The following STRBP variants were observed in gnomAD, a reference collection of about 807,000 sequenced individuals.
STRBP encodes spermatid perinuclear RNA-binding protein.
In STRBP, 13 loss-of-function variants were observed where a neutral mutation model predicts 80.1. That is an observed-to-expected ratio of 0.16 (90% CI 0.11 to 0.26). The LOEUF (loss-of-function observed/expected upper bound fraction) is 0.26, where lower values mean the gene tolerates loss of function less well. STRBP is among the 10% of genes least tolerant of loss of function. The pLI, the probability that STRBP is intolerant of heterozygous loss-of-function variation, is 1.00. For synonymous variants in STRBP, 284 were observed against 291.2 expected (o/e 0.98, Z 0.25); for missense variants, 485 against 815.2 (o/e 0.59, Z 4.93).
At chr9:123,137,053 G>A (rs188265871) in intron 14 of STRBP, among the ~76,000 whole-genome samples, 10 of 152,280 alleles carry the variant, frequency 6.6e-5, no homozygotes, top group African/African-American at 2.4e-4. Flanking sequence ...AATAAAGGCA[G>A]TCACTCTCTG....
chr9:123,227,875 TA>T (rs2132571371), intron 2 of STRBP, among the ~76,000 whole-genome samples: 1 of 152,248 alleles, frequency 6.6e-6, no homozygotes, highest in Non-Finnish European at 1.5e-5. Context: ...GACATATTTC[TA>T]AAGGATTATT....
chr9:123,153,445 C>A (rs1034327296), intron 11 of STRBP, among the ~76,000 whole-genome samples: 1 of 152,160 alleles, frequency 6.6e-6, no homozygotes, highest in South Asian at 2.1e-4. Flanking sequence ...CCCACCTCAG[C>A]CTCCCAAAGT....
At chr9:123,229,281 T>C (rs1017684216) in intron 2 of STRBP, among the ~76,000 whole-genome samples, 11 of 152,180 alleles carry the variant, frequency 7.2e-5, no homozygotes, top group Non-Finnish European at 1.5e-5. Context: ...CACGACTCTG[T>C]AAATATACTA....
At position 123,249,755 on chromosome 9, in the gene STRBP, G is replaced by C. The variant is rs535009905; in HGVS notation, c.-301-12789C>G. ...TTTTTCTAACTTTGCAGTTCTGCAA[G>C]TGTGGTTTAGGAACCCCTGGAGGTC... On this transcript the variant is annotated intron_variant, in intron 1 of 18. Transcript: ENST00000348403. Among the ~76,000 whole-genome samples, 10 of 152,332 alleles carry C rather than the reference G, an allele frequency of 6.6e-5. No homozygotes were observed. In the South Asian group the frequency reaches 1.9e-3, roughly 28 times the overall value.
chr9:123,257,056 C>T (rs2041048397), intron 1 of STRBP, among the ~76,000 whole-genome samples: 2 of 152,110 alleles, frequency 1.3e-5, no homozygotes, highest in African/African-American at 2.4e-5. Context: ...GGCTTTCAAA[C>T]AGAGTAAGGC....
At chr9:123,248,259 G>A (rs541236985) in intron 1 of STRBP, among the ~76,000 whole-genome samples, 241 of 127,798 alleles carry the variant, frequency 1.9e-3, no homozygotes, top group South Asian at 4.4e-3. Context: ...CACCCCTATC[G>A]TGTTTTTTTT....
chr9:123,163,785 A>G (rs2037628671), intron 6 of STRBP, among the ~76,000 whole-genome samples: 1 of 152,142 alleles, frequency 6.6e-6, no homozygotes, highest in Non-Finnish European at 1.5e-5. Context: ...TGCTGGGAAA[A>G]CACTGCTACC....
Position 123,170,008 on chromosome 9 carries a change from T to C in STRBP, c.429A>G (p.Val143=), listed in dbSNP as rs2037940548. Residue 143 remains valine, a synonymous_variant, in exon 6 of 19, where the codon GTA becomes GTG. Coordinates refer to ENST00000348403, the MANE Select transcript of STRBP (RefSeq NM_018387.5). ...TEEKYQVEQC[V]NEASIIIRNT... Reference sequence around the variant, plus strand: ...TCCGAATTATAATAGATGCCTCATTTACACATTGTTCCACTTGATATTTCT... The same window carrying C: ...TCCGAATTATAATAGATGCCTCATTCACACATTGTTCCACTTGATATTTCT... The C allele has an allele frequency of 1.2e-6, 2 of 1,609,654 alleles. No individual in the cohort carries two copies. The highest frequency in any genetic ancestry group is 1.7e-6 in the Non-Finnish European group (2 of 1,178,628).
intron 3 of STRBP, chr9:123,180,967 CTTGTTT>C: frequency 2.0e-6 from 2 of 981,276 alleles, no homozygotes; most frequent in Non-Finnish European, 2.4e-6. Flanking sequence ...CTCTTTTGTT[CTTGTTT>C]ATCTATGTTT....
intron 2 of STRBP, among the ~76,000 whole-genome samples, chr9:123,209,494 AAT>A (rs1412691208): frequency 2.6e-5 from 4 of 152,226 alleles, no homozygotes; most frequent in Non-Finnish European, 4.4e-5. Context: ...AGTACTACAC[AAT>A]ATGTTATTTT....
At chr9:123,234,200 CAAAAA>C (rs59309974) in intron 2 of STRBP, among the ~76,000 whole-genome samples, 4 of 72,266 alleles carry the variant, frequency 5.5e-5, no homozygotes, top group Admixed American at 2.3e-4. Context: ...GACGCCGTGT[CAAAAA>C]AAAAAAAAAA....
rs1329988136 is a variant in STRBP, at chr9:123,136,333, T to C, written c.1632+48A>G. 1.2e-6 allele frequency: 2 copies of C among 1,609,210 alleles called. No homozygotes were observed. The highest frequency in any genetic ancestry group is 2.2e-5 in the South Asian group (2 of 90,386). On this transcript the variant is annotated intron_variant, in intron 15 of 18. Transcript: ENST00000348403. This position sits in a 1 kb window ranked among gnomAD's most constrained non-coding sequence, Gnocchi z 4.2. The stretch of plus-strand genomic sequence containing the variant: ...ACTTTACATTAAGTTCAGGATATCC[T>C]ATGTCTTTGAGAAGAAAGATAAGGC...
intron 2 of STRBP, among the ~76,000 whole-genome samples, chr9:123,231,479 T>C (rs2132580153): frequency 6.6e-6 from 1 of 152,324 alleles, no homozygotes; most frequent in Middle Eastern, 3.4e-3. Flanking sequence ...ACCCTCATAG[T>C]TATCAGCCAA....
intron 1 of STRBP, among the ~76,000 whole-genome samples, chr9:123,240,620 G>A (rs758581602): frequency 2.0e-5 from 3 of 152,036 alleles, no homozygotes; most frequent in Admixed American, 6.6e-5. Flanking sequence ...AACTTTAGTC[G>A]CAAACATACA....
intron 2 of STRBP, among the ~76,000 whole-genome samples, chr9:123,225,770 C>T (rs2040216438): frequency 6.6e-6 from 1 of 152,188 alleles, no homozygotes; most frequent in Admixed American, 6.5e-5. Flanking sequence ...ATTCTGTGAG[C>T]CACCTAACAC....
intron 5 of STRBP, among the ~76,000 whole-genome samples, chr9:123,172,228 G>A (rs554594585): frequency 6.6e-6 from 1 of 152,264 alleles, no homozygotes; most frequent in Non-Finnish European, 1.5e-5. Flanking sequence ...TGAGGTGGGT[G>A]AAAAAGCCAC....
intron 2 of STRBP, among the ~76,000 whole-genome samples, chr9:123,214,837 TG>T (rs2039839707): frequency 6.6e-6 from 1 of 152,338 alleles, no homozygotes; most frequent in Middle Eastern, 3.4e-3. Context: ...TATATGTGTG[TG>T]GGTGTATATA....
intron 2 of STRBP, chr9:123,212,806 T>C (rs1244792683): frequency 1.3e-5 from 2 of 152,156 alleles, no homozygotes; most frequent in Non-Finnish European, 2.9e-5. Context: ...TTATTAAAAA[T>C]TAAGCAAAGT....
chr9:123,232,307 T>C (rs2040421135), intron 2 of STRBP, among the ~76,000 whole-genome samples: 1 of 152,118 alleles, frequency 6.6e-6, no homozygotes, highest in Non-Finnish European at 1.5e-5. Context: ...TAAGACTCCA[T>C]CTCAAGAAAA....
Sources: allele counts gnomAD v4.1 joint callset (sites outside exome capture counted in the v4.1 genomes callset), GRCh38; gene constraint gnomAD v4.1.1; non-coding constraint Gnocchi (gnomAD v3.1); transcripts MANE v1.5; gene names NCBI Gene and HGNC (gene_info 2026-07-23, HGNC 2026-07-21).